Variants in FBXO42 observed in about 807,000 individuals in gnomAD.
FBXO42 encodes the protein F-box protein 42.
Under a neutral mutation model 71.7 loss-of-function variants are expected in FBXO42, and 12 were observed. The observed-to-expected ratio is 0.17, with a 90% CI of 0.11 to 0.27. The LOEUF (loss-of-function observed/expected upper bound fraction) is 0.27. Ranked by LOEUF, FBXO42 falls within the 10% of genes least tolerant of loss-of-function variation. The probability of loss-of-function intolerance (pLI) is 1.00; values close to 1 mark genes in which losing one functional copy is unlikely to be tolerated. For synonymous variants in FBXO42, 325 were observed against 327.5 expected, an observed-to-expected ratio of 0.99 and a Z score of 0.08; for missense variants, 707 against 911.9, an observed-to-expected ratio of 0.78 and a Z score of 2.89.
At chr1:16,338,776 T>C (rs2082576143) in intron 1 of FBXO42, among the ~76,000 whole-genome samples, 1 of 149,400 alleles carries the variant, frequency 6.7e-6, no homozygotes, top group Non-Finnish European at 1.5e-5. Flanking sequence ...GATGCTGTGA[T>C]GGAATGGAAC....
chr1:16,302,083 G>A (rs1413695679), intron 3 of FBXO42, among the ~76,000 whole-genome samples: 4 of 152,152 alleles, frequency 2.6e-5, no homozygotes, highest in Admixed American at 6.6e-5. Context: ...GCAAAAGACA[G>A]ATGGTAATAA....
At chr1:16,297,550 C>T (rs1225452886) in intron 3 of FBXO42, among the ~76,000 whole-genome samples, 8 of 152,100 alleles carry the variant, frequency 5.3e-5, no homozygotes, top group Non-Finnish European at 1.2e-4. Context: ...TTTATGGTAT[C>T]CCCAGAACTC....
intron 4 of FBXO42, among the ~76,000 whole-genome samples, chr1:16,283,861 G>A (rs189551779): frequency 1.3e-4 from 20 of 152,194 alleles, no homozygotes; most frequent in Admixed American, 1.3e-3. Flanking sequence ...TCTCTAAGCA[G>A]TTTTGAAAAT....
chr1:16,253,075 T>C lies in FBXO42; in HGVS notation c.921+21A>G, dbSNP rs368244362. The C allele has an allele frequency of 1.1e-5, 17 of 1,610,312 alleles. No homozygotes were observed. The South Asian group carries it at 1.4e-4, about 14-fold the overall frequency. On this transcript the variant is annotated intron_variant, in intron 8 of 9. Transcript: ENST00000375592. The stretch of plus-strand genomic sequence containing the variant: ...ACACTTAGTAGCATGCACATGGGAA[T>C]GCCACAGAAGCAATACTCACAGCAT...
intron 1 of FBXO42, among the ~76,000 whole-genome samples, chr1:16,325,362 T>C (rs9919163): frequency 6.6e-6 from 1 of 152,144 alleles, no homozygotes; most frequent in Non-Finnish European, 1.5e-5. Context: ...TAACGAAGCA[T>C]ATAATCTAGA....
intron 1 of FBXO42, among the ~76,000 whole-genome samples, chr1:16,320,708 G>A (rs2082404199): frequency 6.6e-6 from 1 of 151,606 alleles, no homozygotes; most frequent in African/African-American, 2.4e-5. Flanking sequence ...CCCCAGACTG[G>A]AGTGCAGTGG....
chr1:16,318,685 T>C (rs2082390676), intron 1 of FBXO42, among the ~76,000 whole-genome samples: 1 of 152,184 alleles, frequency 6.6e-6, no homozygotes, highest in Non-Finnish European at 1.5e-5. Context: ...AAGCAGATGC[T>C]AGACAGAATT....
intron 4 of FBXO42, among the ~76,000 whole-genome samples, chr1:16,261,028 A>T (rs1343004080): frequency 6.6e-6 from 1 of 152,222 alleles, no homozygotes; most frequent in Non-Finnish European, 1.5e-5. Flanking sequence ...TAAAGTCAGA[A>T]TATATCATGC....
chr1:16,350,804 A>G (rs993768560), intron 1 of FBXO42, among the ~76,000 whole-genome samples: 17 of 151,250 alleles, frequency 1.1e-4, no homozygotes, highest in Non-Finnish European at 1.9e-4. Context: ...AAAATGGTCA[A>G]ATAATAACCT....
chr1:16,278,857 C>G (rs2081931757), intron 4 of FBXO42, among the ~76,000 whole-genome samples: 1 of 152,140 alleles, frequency 6.6e-6, no homozygotes, highest in African/African-American at 2.4e-5. Flanking sequence ...TGGCTCACCA[C>G]AACCTCCGCC....
intron 1 of FBXO42, among the ~76,000 whole-genome samples, chr1:16,325,363 ATAATC>A (rs917775215): frequency 6.6e-6 from 1 of 152,222 alleles, no homozygotes; most frequent in African/African-American, 2.4e-5. Context: ...AACGAAGCAT[ATAATC>A]TAGAGACTCC....
Position 16,351,542 on chromosome 1 carries a change from A to T in FBXO42, c.-18+713T>A, listed in dbSNP as rs572146885. 2.6e-5 allele frequency among the ~76,000 whole-genome samples: 4 copies of T among 152,252 alleles called. No homozygotes were observed. In the East Asian group the frequency reaches 7.7e-4, roughly 29 times the overall value. ...GGTTATTCTGAATCTTAACAAACCG[A>T]AGGTTTCAAACGAACTCAGCGCTGA... On this transcript the variant is annotated intron_variant, in intron 1 of 9. Transcript: ENST00000375592.
rs1392880627 is a variant in FBXO42, at chr1:16,315,323, G to A, written c.96C>T (p.Pro32=). 1.2e-6 allele frequency: 2 copies of A among 1,614,102 alleles called. No individual in the cohort carries two copies. The highest frequency in any genetic ancestry group is 1.1e-5 in the South Asian group (1 of 91,078). The change falls in exon 2 of 10, where the codon CCC becomes CCT. Residue 32 remains proline (P), a synonymous_variant. Transcript: ENST00000375592. Reference sequence around the variant, plus strand: ...TCTCCTCAGCCTCCAATACTGGGTGGGGCTCCTCATCTTGATCCATTGTCC... The same window carrying A: ...TCTCCTCAGCCTCCAATACTGGGTGAGGCTCCTCATCTTGATCCATTGTCC... ...LEGTMDQDEE[P]HPVLEAEETR...
At chr1:16,334,974 C>T (rs1192091593) in intron 1 of FBXO42, among the ~76,000 whole-genome samples, 1 of 145,730 alleles carries the variant, frequency 6.9e-6, no homozygotes, top group Admixed American at 7.2e-5. Flanking sequence ...CACCCGTAAT[C>T]CCAGCACTGT....
At chr1:16,263,490 G>T (rs1016166368) in intron 4 of FBXO42, among the ~76,000 whole-genome samples, 1 of 151,680 alleles carries the variant, frequency 6.6e-6, no homozygotes, top group African/African-American at 2.4e-5. Context: ...GGCCGGCCAG[G>T]CGTGGTGGAT....
In FBXO42 at chr1:16,272,183, G is replaced by A. The variant is rs1030403297; in HGVS notation, c.503-15424C>T. Among the ~76,000 whole-genome samples the A allele has an allele frequency of 6.2e-5, 9 of 145,582 alleles. No homozygotes were observed. In the South Asian group the frequency reaches 1.6e-3, roughly 25 times the overall value. ...AAAAAAAAAAAAAAAAAAGTCCTCT[G>A]TAGACTGAAATGATTAATGTCTAAC... is the stretch of plus-strand genomic sequence containing the variant. On this transcript the variant is annotated intron_variant, in intron 4 of 9. Transcript: ENST00000375592.
At chr1:16,278,454 A>G (rs1292260878) in intron 4 of FBXO42, among the ~76,000 whole-genome samples, 2 of 151,986 alleles carry the variant, frequency 1.3e-5, no homozygotes, top group African/African-American at 4.8e-5. Flanking sequence ...TGGACTGGGA[A>G]ATCTTTTCCC....
At position 16,291,042 on chromosome 1, in the gene FBXO42, G is replaced by A. The variant is rs983376887; in HGVS notation, c.502+3741C>T. 2.6e-5 allele frequency among the ~76,000 whole-genome samples: 4 copies of A among 152,270 alleles called. No individual in the cohort carries two copies. In the East Asian group the frequency reaches 7.7e-4, roughly 29 times the overall value. On this transcript the variant is annotated intron_variant, in intron 4 of 9. Coordinates refer to ENST00000375592, the MANE Select transcript of FBXO42 (RefSeq NM_018994.3). ...CCCAACCAAAAGTGTTCCACTCCTT[G>A]CTTGATGCTCTTACTTCTCCAACAG...
At chr1:16,287,679 G>C (rs1389532427) in intron 4 of FBXO42, among the ~76,000 whole-genome samples, 1 of 152,150 alleles carries the variant, frequency 6.6e-6, no homozygotes, top group Non-Finnish European at 1.5e-5. Context: ...AGAGTGGCCT[G>C]GCCTCAAGCC....
Sources: allele counts gnomAD v4.1 joint callset (sites outside exome capture counted in the v4.1 genomes callset), GRCh38; gene constraint gnomAD v4.1.1; transcripts MANE v1.5; gene names NCBI Gene and HGNC (gene_info 2026-07-23, HGNC 2026-07-21).